The following HMGA2 variants were observed in gnomAD, a reference collection of about 807,000 sequenced individuals.
HMGA2 encodes the protein high mobility group AT-hook 2.
Under a neutral mutation model 19.1 loss-of-function variants are expected in HMGA2, and 8 were observed. The ratio of observed to expected loss-of-function variants is 0.42; its 90% CI spans 0.25 to 0.76. The LOEUF is 0.76. Among genes scored for constraint, HMGA2 ranks in the 30% least tolerant of loss-of-function variants. The pLI, the probability that HMGA2 is intolerant of heterozygous loss-of-function variation, is 0.28. For synonymous variants in HMGA2, 60 were observed against 48.8 expected (o/e 1.23, Z -0.96); for missense variants, 109 against 136.3 (o/e 0.80, Z 1.00).
intron 3 of HMGA2, among the ~76,000 whole-genome samples, chr12:65,940,411 T>G (rs1876051934): frequency 1.3e-5 from 2 of 152,330 alleles, no homozygotes; most frequent in African/African-American, 4.8e-5. Flanking sequence ...TAGTGCTGAT[T>G]TGTCCTTTAA....
chr12:65,917,997 T>A (rs918077224), intron 3 of HMGA2, among the ~76,000 whole-genome samples: 6 of 152,218 alleles, frequency 3.9e-5, no homozygotes, highest in Non-Finnish European at 5.9e-5. Flanking sequence ...CCAGTTTTGA[T>A]AAGTCAAACT....
chr12:65,942,406 T>C (rs577392797), intron 3 of HMGA2, among the ~76,000 whole-genome samples: 1 of 152,298 alleles, frequency 6.6e-6, no homozygotes, highest in South Asian at 2.1e-4. Context: ...TTAAAAAATA[T>C]GTATATATGT....
intron 3 of HMGA2, among the ~76,000 whole-genome samples, chr12:65,900,742 C>A (rs75625011): frequency 2.0e-5 from 3 of 152,110 alleles, no homozygotes; most frequent in African/African-American, 7.2e-5. Context: ...TCACTCAATT[C>A]GGTTAATAAA....
intron 3 of HMGA2, among the ~76,000 whole-genome samples, chr12:65,919,939 A>G (rs1413141490): frequency 2.0e-5 from 3 of 152,238 alleles, no homozygotes; most frequent in Non-Finnish European, 4.4e-5. Flanking sequence ...TCTGAAGTCC[A>G]TGACATTTAG....
At chr12:65,913,614 C>T (rs1284074268) in intron 3 of HMGA2, among the ~76,000 whole-genome samples, 1 of 152,134 alleles carries the variant, frequency 6.6e-6, no homozygotes, top group Non-Finnish European at 1.5e-5. Context: ...ATTATTCAGC[C>T]TTTTAATAAG....
At chr12:65,927,692 T>C (rs142069872) in intron 3 of HMGA2, among the ~76,000 whole-genome samples, 3 of 152,038 alleles carry the variant, frequency 2.0e-5, no homozygotes, top group Non-Finnish European at 4.4e-5. Context: ...TACAGCTAAT[T>C]GTATTTTCGG....
chr12:65,944,422 G>T (rs17101923), intron 3 of HMGA2, among the ~76,000 whole-genome samples: 38,648 of 152,008 alleles, frequency 0.25, 5,210 homozygotes, highest in South Asian at 0.4. Flanking sequence ...TGCTCTGGAA[G>T]AACAACCACA....
intron 4 of HMGA2, chr12:65,955,339 T>C (rs144715833): frequency 2.6e-4 from 39 of 152,286 alleles, no homozygotes; most frequent in Middle Eastern, 6.8e-3. Flanking sequence ...TACCAGATTA[T>C]TATTATTATT....
intron 3 of HMGA2, chr12:65,915,006 A>C: frequency 6.2e-7 from 1 of 1,609,726 alleles, no homozygotes; most frequent in Non-Finnish European, 8.5e-7. Flanking sequence ...CCATCACTAG[A>C]TCTCTTCTGA....
intron 1 of HMGA2, among the ~76,000 whole-genome samples, 184 bp from the exon 2 acceptor site, chr12:65,827,817 A>T (rs1870283928): frequency 6.6e-6 from 1 of 152,210 alleles, no homozygotes. Flanking sequence ...GAACCCTTGC[A>T]TTAAAAGTAT....
intron 3 of HMGA2, among the ~76,000 whole-genome samples, chr12:65,897,360 C>T (rs1874175668): frequency 6.6e-6 from 1 of 152,036 alleles, no homozygotes; most frequent in Non-Finnish European, 1.5e-5. Flanking sequence ...AACTTGTGAT[C>T]ATATTAACGG....
At chr12:65,953,799 C>G (rs1490226440) in intron 4 of HMGA2, 1 of 152,202 alleles carries the variant, frequency 6.6e-6, no homozygotes, top group Non-Finnish European at 1.5e-5. Flanking sequence ...AACATGAAAA[C>G]TACGTGAAAG....
chr12:65,877,814 C>CA (rs11372211), intron 3 of HMGA2, among the ~76,000 whole-genome samples: 10,814 of 146,732 alleles, frequency 0.074, 745 homozygotes, highest in African/African-American at 0.19. Context: ...GTCTTTGCTT[C>CA]AAAAAAAAAA....
chr12:65,882,791 G>A (rs772368170), intron 3 of HMGA2, among the ~76,000 whole-genome samples: 17 of 152,340 alleles, frequency 1.1e-4, no homozygotes, highest in East Asian at 3.9e-4. Context: ...ACTTGAGATG[G>A]AAGTGAAGCA....
At chr12:65,898,246 T>C (rs1874218180) in intron 3 of HMGA2, among the ~76,000 whole-genome samples, 1 of 152,200 alleles carries the variant, frequency 6.6e-6, no homozygotes, top group Non-Finnish European at 1.5e-5. Flanking sequence ...GGGAAAAAGT[T>C]TGAGGAGAGA....
At chr12:65,934,920 A>C (rs1565737015) in intron 3 of HMGA2, 1 of 152,250 alleles carries the variant, frequency 6.6e-6, no homozygotes, top group Non-Finnish European at 1.5e-5. Context: ...AGAAGGAAGG[A>C]GTGACTTCTC....
Position 65,825,389 on chromosome 12 carries a change from C to G in HMGA2, c.111+8C>G. On this transcript the variant is annotated splice_region_variant and intron_variant, in intron 1 of 4. Transcript: ENST00000403681. The surrounding 1 kb of genome is among the most constrained non-coding windows in gnomAD (Gnocchi z 4.4). ...CCCAGGAAGCAGCAGCAAGTCAGTA[C>G]GAGGGCGCGGTGGGGGCACCAGCCC... 6.6e-7 allele frequency: 1 copy of G among 1,513,638 alleles called. No individual in the cohort carries two copies. Among genetic ancestry groups the G allele is most frequent in the Non-Finnish European group, 8.8e-7 (1 of 1,133,548 alleles). The allele number at this position is 1,513,638 out of a possible 1,614,324, so 93.8% of individuals were successfully genotyped here. A position where few individuals can be genotyped will look rare whatever the true frequency, so the allele number is the denominator to read the frequency against.
chr12:65,914,923 C>T (rs763132744), intron 3 of HMGA2: 1 of 1,198,666 alleles, frequency 8.3e-7, no homozygotes, highest in Non-Finnish European at 1.2e-6. Context: ...GAGCCACCCA[C>T]CTTGGCCTCT....
At chr12:65,923,711 C>T (rs923960032) in intron 3 of HMGA2, among the ~76,000 whole-genome samples, 8 of 152,118 alleles carry the variant, frequency 5.3e-5, no homozygotes, top group South Asian at 2.1e-4. Context: ...CTTTATCACC[C>T]GTAAGAAAGT....
Sources: gnomAD v4.1 joint callset for allele counts (sites outside exome capture counted in the v4.1 genomes callset) on GRCh38, gnomAD v4.1.1 for gene constraint, Gnocchi (gnomAD v3.1) non-coding constraint, MANE v1.5 for transcripts, NCBI Gene and HGNC (gene_info 2026-07-23, HGNC 2026-07-21) for gene names.